The following SIN3A variants were observed in gnomAD, a reference collection of about 807,000 sequenced individuals.
SIN3A encodes SIN3 transcription regulator family member A, also known as paired amphipathic helix protein Sin3a.
Under a neutral mutation model 146.1 loss-of-function variants are expected in SIN3A, and 14 were observed. The observed-to-expected ratio is 0.10, with a 90% CI of 0.06 to 0.15. SIN3A has a LOEUF of 0.15. SIN3A is among the 10% of genes least tolerant of loss of function. The probability of loss-of-function intolerance (pLI) is 1.00; values close to 1 mark genes in which losing one functional copy is unlikely to be tolerated. For synonymous variants in SIN3A, 572 were observed against 572.0 expected (o/e 1.00, Z 0.00); for missense variants, 1,028 against 1,576.0 (o/e 0.65, Z 5.89).
rs765778654 is a variant in SIN3A at position 75,446,930 on chromosome 15, T to C, written c.-34+4493A>G. Among the ~76,000 whole-genome samples, 8 of 152,162 alleles carry C rather than the reference T, an allele frequency of 5.3e-5. 1 individual carries two copies. Among genetic ancestry groups the C allele is most frequent in the Admixed American group, 1.3e-4 (2 of 15,274 alleles). ...GGGACTACAGGTGCGTGTGCCACCA[T>C]GCCCGGCTAACTCTTTTGTATTTTT... On this transcript the variant is annotated intron_variant, in intron 1 of 20. Coordinates refer to ENST00000394947, the MANE Select transcript of SIN3A (RefSeq NM_001145358.2).
rs2073664682 is a variant in SIN3A at position 75,412,760 on chromosome 15, C to T, written c.756+3G>A. ...ATTGATGCAATATTTTCCAAGTGCTCACCTTGCTGACTTTGGCAGGTGGGG... is the reference window on the plus strand; with the variant it reads ...ATTGATGCAATATTTTCCAAGTGCTTACCTTGCTGACTTTGGCAGGTGGGG... On this transcript the variant is annotated splice_donor_region_variant and intron_variant, in intron 5 of 20. Transcript: ENST00000394947. 6.4e-7 allele frequency: 1 copy of T among 1,565,690 alleles called. No individual in the cohort carries two copies. Among genetic ancestry groups the T allele is most frequent in the Non-Finnish European group, 8.6e-7 (1 of 1,156,360 alleles).
rs1370780906 is a variant in SIN3A, at chr15:75,422,707, A to C, written c.306T>G (p.His102Gln). 1 of 1,614,206 alleles carries C rather than the reference A, an allele frequency of 6.2e-7. No individual in the cohort carries two copies. Reference protein sequence around the residue: ...QPHGGQVVQSHAHPAPPVAPV... With the variant: ...QPHGGQVVQSQAHPAPPVAPV... ...GTGCAACTGGTGGGGCTGGATGAGC[A>C]TGACTCTGGACCACCTGGCCTCCGT... Residue 102 changes from histidine (H) to glutamine (Q), a missense_variant, in exon 3 of 21, where the codon CAT becomes CAG. This residue lies in a region of SIN3A where 152 missense variants were observed against 231.5 expected (regional missense o/e 0.66). Coordinates refer to ENST00000394947, the MANE Select transcript of SIN3A (RefSeq NM_001145358.2).
intron 11 of SIN3A, among the ~76,000 whole-genome samples, chr15:75,400,521 C>T (rs527426622): frequency 6.6e-6 from 1 of 152,196 alleles, no homozygotes; most frequent in African/African-American, 2.4e-5. Flanking sequence ...CACTATGAGC[C>T]GTGATCACAT....
intron 1 of SIN3A, among the ~76,000 whole-genome samples, chr15:75,445,158 A>G (rs1232984362): frequency 1.3e-5 from 2 of 152,078 alleles, no homozygotes; most frequent in African/African-American, 2.4e-5. Flanking sequence ...AGGCAGGTGG[A>G]TTGCCTGAGG....
intron 19 of SIN3A, among the ~76,000 whole-genome samples, chr15:75,379,180 G>A (rs1419994612): frequency 3.9e-5 from 6 of 152,188 alleles, no homozygotes; most frequent in Admixed American, 2.6e-4. Flanking sequence ...TTACAGGCGT[G>A]AGCCACTGCG....
intron 1 of SIN3A, among the ~76,000 whole-genome samples, chr15:75,430,676 A>G (rs537615271): frequency 2.0e-5 from 3 of 152,358 alleles, no homozygotes; most frequent in South Asian, 2.1e-4. Flanking sequence ...ATTTAAAAAT[A>G]TAAACACAAC....
At chr15:75,451,343 C>G (rs1336778187) in intron 1 of SIN3A, 80 bp downstream of exon 1, 2 of 130,850 alleles carry the variant, frequency 1.5e-5, no homozygotes, top group East Asian at 2.2e-4. Context: ...TCAGCCCCCC[C>G]CCCCCAAAAT....
chr15:75,383,888 T>C (rs1165464223), intron 17 of SIN3A: 1 of 153,262 alleles, frequency 6.5e-6, no homozygotes, highest in African/African-American at 2.4e-5. Context: ...TGTGCTGAGA[T>C]TACAAGTGTG....
chr15:75,391,640 G>A (rs990672571), intron 15 of SIN3A, among the ~76,000 whole-genome samples: 2 of 152,164 alleles, frequency 1.3e-5, no homozygotes, highest in Non-Finnish European at 2.9e-5. Context: ...GAAGCAGGCA[G>A]CACAAAATTA....
chr15:75,417,793 T>C (rs1256507805), intron 3 of SIN3A, among the ~76,000 whole-genome samples: 2 of 152,198 alleles, frequency 1.3e-5, no homozygotes, highest in Admixed American at 1.3e-4. Context: ...CGAAACTTAA[T>C]CACCGATATG....
At chr15:75,400,181 A>G in intron 11 of SIN3A, 25 bp from the exon 12 acceptor site, 4 of 1,357,502 alleles carry the variant, frequency 2.9e-6, no homozygotes, top group Non-Finnish European at 4.2e-6. Flanking sequence ...AGAGAGACTG[A>G]AACAAAAGCC....
rs374316993 is a variant in SIN3A, at chr15:75,392,510, G to A, written c.2583C>T (p.Pro861=). 1.9e-6 allele frequency: 3 copies of A among 1,614,100 alleles called. No homozygotes were observed. In the East Asian group the frequency reaches 6.7e-5, roughly 36 times the overall value. ...VKKHNGVGGS[P]PKSKLLFSNT... ...TACTAAACAGTAACTTGGACTTAGG[G>A]GGACTGCCCCCAACACCATTGTGCT... Residue 861 remains proline, a synonymous_variant, in exon 15 of 21, where the codon CCC becomes CCT. Coordinates refer to ENST00000394947, the MANE Select transcript of SIN3A (RefSeq NM_001145358.2).
At chr15:75,431,519 A>G (rs1567404276) in intron 1 of SIN3A, among the ~76,000 whole-genome samples, 1 of 152,164 alleles carries the variant, frequency 6.6e-6, no homozygotes, top group Non-Finnish European at 1.5e-5. Flanking sequence ...CCAAAGAAAA[A>G]AGGCCCCACC....
rs181873140 is a variant in SIN3A, at chr15:75,396,458, C to T, written c.1893G>A (p.Arg631=). Residue 631 remains arginine (R), a synonymous_variant, in exon 13 of 21, where the codon CGG becomes CGA. Coordinates refer to ENST00000394947, the MANE Select transcript of SIN3A (RefSeq NM_001145358.2). ...VVLETNLATI[R]VLEAIQKKLS... Reference sequence around the variant, plus strand: ...GCTTCTTCTGTATTGCTTCCAGAACCCGGATTGTTGCCAGATTGGTCTCTA... The same window carrying T: ...GCTTCTTCTGTATTGCTTCCAGAACTCGGATTGTTGCCAGATTGGTCTCTA... The T allele has an allele frequency of 1.9e-6, 3 of 1,613,928 alleles. No individual in the cohort carries two copies. Among genetic ancestry groups the T allele is most frequent in the Non-Finnish European group, 2.5e-6 (3 of 1,179,982 alleles).
At chr15:75,441,102 G>A (rs1039336021) in intron 1 of SIN3A, among the ~76,000 whole-genome samples, 1 of 151,840 alleles carries the variant, frequency 6.6e-6, no homozygotes, top group East Asian at 1.9e-4. Context: ...GAGGTGAGGA[G>A]CTCAAGACCA....
In SIN3A at chr15:75,375,848, A is replaced by G. The variant is rs756808431; in HGVS notation, c.3408T>C (p.Cys1136=). The change falls in exon 20 of 21, where the codon TGT becomes TGC. Residue 1136 remains cysteine, a synonymous_variant. Transcript: ENST00000394947. ...TTTCCTGCTGCTCTCGACCACGTTG[A>G]CACTTCCGGATCCGCCGTAGATTCC... The part of the protein sequence containing the change: ...LPRNLRRIRK[C]QRGREQQEKE... 3 of 1,613,894 alleles carry G rather than the reference A, an allele frequency of 1.9e-6. No homozygotes were observed. Among genetic ancestry groups the G allele is most frequent in the Admixed American group, 3.3e-5 (2 of 59,992 alleles).
upstream of SIN3A, chr15:75,451,847 G>A (rs1159757895): frequency 6.6e-6 from 1 of 151,928 alleles, no homozygotes; most frequent in African/African-American, 2.4e-5. Flanking sequence ...ACTGGTAGGG[G>A]AGGGGGAGCC....
At chr15:75,432,177 G>A (rs1167799462) in intron 1 of SIN3A, among the ~76,000 whole-genome samples, 2 of 152,188 alleles carry the variant, frequency 1.3e-5, no homozygotes, top group African/African-American at 4.8e-5. Flanking sequence ...TGAGTATATA[G>A]ATTTATGCAT....
Position 75,411,675 on chromosome 15 carries a change from T to C in SIN3A, c.825A>G (p.Pro275=), listed in dbSNP as rs2073641999. The change falls in exon 6 of 21, where the codon CCA becomes CCG. Residue 275 remains proline (P), a synonymous_variant. Transcript: ENST00000394947. ...QTPPLPPYAS[P]RSPPVQPHTP... is the part of the protein sequence containing the mutation. ...TGTGAGGCTGGACCGGCGGAGAACG[T>C]GGGGATGCATACGGTGGAAGTGGGG... The C allele has an allele frequency of 6.2e-7, 1 of 1,613,754 alleles. No individual in the cohort carries two copies. Among genetic ancestry groups the C allele is most frequent in the Non-Finnish European group, 8.5e-7 (1 of 1,179,896 alleles).
Sources: allele counts gnomAD v4.1 joint callset (sites outside exome capture counted in the v4.1 genomes callset), GRCh38; gene constraint gnomAD v4.1.1; regional missense constraint gnomAD v4.1.1; transcripts MANE v1.5; gene names NCBI Gene and HGNC (gene_info 2026-07-23, HGNC 2026-07-21).